The following MEI1 variants were observed in gnomAD, a reference collection of about 807,000 sequenced individuals.
The protein encoded by MEI1 is meiosis inhibitor protein 1.
A neutral mutation model predicts 146.2 loss-of-function variants in MEI1; 103 were observed. The ratio of observed to expected loss-of-function variants is 0.70; its 90% confidence interval spans 0.60 to 0.83. The LOEUF (loss-of-function observed/expected upper bound fraction) is 0.83, where lower values mean the gene tolerates loss of function less well. Among genes scored for constraint, MEI1 ranks in the 40% least tolerant of loss-of-function variants. The pLI, the probability that MEI1 is intolerant of heterozygous loss-of-function variation, is 0.00. For synonymous variants in MEI1, 652 were observed against 628.2 expected (o/e 1.04, Z -0.57); for missense variants, 1,529 against 1,533.0 (o/e 1.00, Z 0.04).
intron 7 of MEI1, among the ~76,000 whole-genome samples, chr22:41,725,303 G>A (rs972895904): frequency 4.0e-5 from 6 of 151,764 alleles, no homozygotes; most frequent in Non-Finnish European, 5.9e-5. Context: ...TAGAAGAGAC[G>A]GGGCTTCACC....
In MEI1 at chr22:41,715,685, C is replaced by T. The variant is rs1466729205; in HGVS notation, c.424-356C>T. The stretch of plus-strand genomic sequence containing the variant: ...GCTGGGATTACAGCGTGAGCCACCA[C>T]GCCTGGCCAACAATAATTTTTTTTT... On this transcript the variant is annotated intron_variant, in intron 4 of 30. Transcript: ENST00000401548. 3.3e-5 allele frequency among the ~76,000 whole-genome samples: 5 copies of T among 152,078 alleles called. No individual in the cohort carries two copies. The South Asian group carries it at 6.2e-4, about 19-fold the overall frequency.
chr22:41,781,543 G>C, intron 23 of MEI1, 142 bp from the exon 24 acceptor site: 2 of 1,167,040 alleles, frequency 1.7e-6, no homozygotes, highest in Non-Finnish European at 2.4e-6. Flanking sequence ...CTGAGCTTCT[G>C]TTATGAAGCT....
chr22:41,713,953 T>A, intron 3 of MEI1, 49 bp from the exon 4 acceptor site: 2 of 1,500,414 alleles, frequency 1.3e-6, no homozygotes, highest in Non-Finnish European at 1.8e-6. Flanking sequence ...GAAGGTGGAC[T>A]CTGGGTTGGG....
Position 41,714,071 on chromosome 22 carries a change from A to C in MEI1, c.419A>C (p.Lys140Thr). Residue 140 changes from lysine to threonine, a missense_variant, in exon 4 of 31, where the codon AAA becomes ACA. Around this residue, in one of 3 missense-constraint regions of MEI1, gnomAD observed 1,212 missense variants for 1,178.9 expected, o/e 1.03. Transcript: ENST00000401548. ...TIRCLLDECH[K>T]ELCNMPSMRG... Reference sequence around the variant, plus strand: ...CGTTGCCTGCTGGATGAGTGCCACAAAGAGGTCAGAAAATAGCTATGGGTT... The same window carrying C: ...CGTTGCCTGCTGGATGAGTGCCACACAGAGGTCAGAAAATAGCTATGGGTT... 1 of 1,596,390 alleles carries C rather than the reference A, an allele frequency of 6.3e-7. No homozygotes were observed. Among genetic ancestry groups the C allele is most frequent in the East Asian group, 2.3e-5 (1 of 44,362 alleles).
intron 6 of MEI1, 33 bp downstream of exon 6, chr22:41,718,307 T>G: frequency 6.3e-7 from 1 of 1,599,930 alleles, no homozygotes; most frequent in Non-Finnish European, 8.5e-7. Flanking sequence ...AAAGGGAGAA[T>G]AAGTTTTTGA....
chr22:41,704,025 G>A (rs370695166), intron 2 of MEI1, among the ~76,000 whole-genome samples: 1 of 152,110 alleles, frequency 6.6e-6, no homozygotes, highest in African/African-American at 2.4e-5. Context: ...CAGTATACAC[G>A]GTCTTTGTAC....
chr22:41,779,825 A>G (rs1332195576), intron 22 of MEI1, among the ~76,000 whole-genome samples: 1 of 151,974 alleles, frequency 6.6e-6, no homozygotes. Flanking sequence ...CCACACCCCA[A>G]ACCTCCTCGG....
intron 15 of MEI1, 124 bp downstream of exon 15, chr22:41,748,342 A>G: frequency 1.4e-6 from 1 of 703,704 alleles, no homozygotes; most frequent in Admixed American, 2.2e-5. Flanking sequence ...ATCTGTATCT[A>G]TTCTTTGTCC....
intron 3 of MEI1, among the ~76,000 whole-genome samples, chr22:41,706,936 A>T (rs2069136431): frequency 6.6e-6 from 1 of 151,762 alleles, no homozygotes; most frequent in Non-Finnish European, 1.5e-5. Context: ...CACGCCTGTA[A>T]TCCCAGCACT....
At chr22:41,748,043 C>A in intron 14 of MEI1, 64 bp from the exon 15 acceptor site, 1 of 1,105,646 alleles carries the variant, frequency 9.0e-7, no homozygotes, top group South Asian at 1.3e-5. Flanking sequence ...TGAGTTTTCT[C>A]TGATGCCTTT....
At chr22:41,745,116 G>C in intron 13 of MEI1, 52 bp downstream of exon 13, 1 of 1,296,402 alleles carries the variant, frequency 7.7e-7, no homozygotes. Flanking sequence ...AGGGGTGGAA[G>C]GGATTCAGAC....
At chr22:41,789,658 T>A (rs2076106047) in intron 26 of MEI1, among the ~76,000 whole-genome samples, 1 of 152,172 alleles carries the variant, frequency 6.6e-6, no homozygotes, top group Admixed American at 6.5e-5. Context: ...CCCCAGCCCC[T>A]GGCATCTACC....
Position 41,792,979 on chromosome 22 carries a change from A to G in MEI1, c.3346-850A>G, listed in dbSNP as rs953342011. On this transcript the variant is annotated intron_variant, in intron 26 of 30. Transcript: ENST00000401548. Reference sequence around the variant, plus strand: ...AGTAAACTGTGAGGCTCTGTAATCTATAAATCTTTTAGTGTGGCCCAGGGT... The same window carrying G: ...AGTAAACTGTGAGGCTCTGTAATCTGTAAATCTTTTAGTGTGGCCCAGGGT... Among the ~76,000 whole-genome samples, 8 of 147,400 alleles carry G rather than the reference A, an allele frequency of 5.4e-5. No homozygotes were observed. In the South Asian group the frequency reaches 1.5e-3, roughly 27 times the overall value.
chr22:41,764,122 G>A (rs1237695160), intron 19 of MEI1, among the ~76,000 whole-genome samples: 1 of 151,826 alleles, frequency 6.6e-6, no homozygotes, highest in African/African-American at 2.4e-5. Flanking sequence ...CACCACACCC[G>A]GCTAATTTTT....
intron 18 of MEI1, among the ~76,000 whole-genome samples, chr22:41,762,510 G>T (rs2074558715): frequency 6.6e-6 from 1 of 151,386 alleles, no homozygotes; most frequent in African/African-American, 2.4e-5. Context: ...ATGTAGCTGG[G>T]ACTATAGGCA....
At chr22:41,732,418 G>A (rs997250243) in intron 10 of MEI1, 51 bp from the exon 11 acceptor site, 1 of 1,613,584 alleles carries the variant, frequency 6.2e-7, no homozygotes, top group East Asian at 2.2e-5. Flanking sequence ...CACTCCTGGT[G>A]GGGTCAGTGA....
At position 41,798,116 on chromosome 22, in the gene MEI1, AACACACACACACACACACACACAC is replaced by A. The variant is rs60766866; in HGVS notation, c.3780-1106_3780-1083del. Among the ~76,000 whole-genome samples, 276 of 135,908 alleles carry A rather than the reference AACACACACACACACACACACACAC, an allele frequency of 2.0e-3. 1 individual carries two copies. The highest frequency in any genetic ancestry group is 7.3e-3 in the Middle Eastern group (2 of 274). 89.2% of individuals were successfully genotyped at this position (135,908 alleles called of 152,430 possible). On this transcript the variant is annotated intron_variant, in intron 30 of 30. Transcript: ENST00000401548. ...AGTTGGTTCAAGTGATCCTCAGCCC[AACACACACACACACACACACACAC>A]ACACACACACACACACACACACACA...
Position 41,700,750 on chromosome 22 carries a change from T to TTA in MEI1, c.174+1039_174+1040insAT, listed in dbSNP as rs1491188355. On this transcript the variant is annotated intron_variant, in intron 1 of 30. Transcript: ENST00000401548. ...GATTGGCTAGATCAGCAGTTCTCAA[T>TTA]TTTTTTTTTTTTTTTTTTTTTTTTT... Among the ~76,000 whole-genome samples, 74 of 5,834 alleles carry TTA rather than the reference T, an allele frequency of 0.013. 2 individuals are homozygous for TTA. In the Middle Eastern group the frequency reaches 0.22, roughly 17 times the overall value. The allele number at this position is 5,834 out of a possible 152,430, so 3.8% of individuals were successfully genotyped here.
At chr22:41,782,010 A>G (rs563701537) in intron 24 of MEI1, among the ~76,000 whole-genome samples, 165 bp downstream of exon 24, 9 of 152,338 alleles carry the variant, frequency 5.9e-5, no homozygotes, top group Admixed American at 2.6e-4. Context: ...TGGGGAAAAC[A>G]TCTCAGGATT....
Sources: gnomAD v4.1 joint callset for allele counts (sites outside exome capture counted in the v4.1 genomes callset) on GRCh38, gnomAD v4.1.1 for gene constraint, gnomAD v4.1.1 regional missense constraint, MANE v1.5 for transcripts, NCBI Gene and HGNC (gene_info 2026-07-23, HGNC 2026-07-21) for gene names.